Variants in CCDC85C observed in about 807,000 individuals in gnomAD.
CCDC85C encodes the protein coiled-coil domain-containing protein 85C.
CCDC85C carries 18 observed loss-of-function variants against 38.3 expected under a neutral mutation model. The ratio of observed to expected loss-of-function variants is 0.47; its 90% CI spans 0.33 to 0.70. The LOEUF (loss-of-function observed/expected upper bound fraction) is 0.70, where lower values mean the gene tolerates loss of function less well. Among genes scored for constraint, CCDC85C ranks in the 30% least tolerant of loss-of-function variants. The pLI is 0.03. For synonymous variants in CCDC85C, 264 were observed against 293.8 expected, an observed-to-expected ratio of 0.90 and a Z score of 1.04; for missense variants, 566 against 621.2, an observed-to-expected ratio of 0.91 and a Z score of 0.94.
intron 1 of CCDC85C, among the ~76,000 whole-genome samples, chr14:99,575,458 A>G (rs1898454452): frequency 6.6e-6 from 1 of 152,234 alleles, no homozygotes. Flanking sequence ...GTTGCCAGAA[A>G]GACCTGCTGA....
At chr14:99,580,092 C>T (rs1489818506) in intron 1 of CCDC85C, 1 of 455,780 alleles carries the variant, frequency 2.2e-6, no homozygotes, top group Admixed American at 2.4e-5. Flanking sequence ...TAGACACCTT[C>T]CAGGAATTCG....
At chr14:99,574,732 G>A (rs1436364994) in intron 1 of CCDC85C, among the ~76,000 whole-genome samples, 1 of 152,234 alleles carries the variant, frequency 6.6e-6, no homozygotes, top group Non-Finnish European at 1.5e-5. Flanking sequence ...TCCGCCCGAG[G>A]GGCACCAGCC....
chr14:99,564,752 C>T (rs1473383768), intron 1 of CCDC85C, among the ~76,000 whole-genome samples: 1 of 152,238 alleles, frequency 6.6e-6, no homozygotes, highest in East Asian at 1.9e-4. Context: ...GGAACAACAT[C>T]CAGCCTTTTA....
intron 2 of CCDC85C, among the ~76,000 whole-genome samples, chr14:99,526,539 C>T (rs1039457251): frequency 2.0e-5 from 3 of 152,198 alleles, no homozygotes; most frequent in Non-Finnish European, 4.4e-5. Context: ...ACCCAGGGAG[C>T]AAGGCCACGG....
rs188264130 is a variant in CCDC85C, at chr14:99,510,901, A to G, written c.*4345T>C. ...AATGCACGACAGTTGCAGTATGGGA[A>G]GAATGGACCGGGCCCCTGGGATAAA... On this transcript the variant is annotated 3_prime_UTR_variant, in exon 6 of 6. Coordinates refer to ENST00000380243, the MANE Select transcript of CCDC85C (RefSeq NM_001144995.2). The G allele has an allele frequency of 1.1e-4, 100 of 882,504 alleles. No homozygotes were observed. In the African/African-American group the frequency reaches 1.6e-3, roughly 14 times the overall value. 54.7% of individuals were successfully genotyped at this position (882,504 alleles called of 1,614,324 possible). A position where few individuals can be genotyped will look rare whatever the true frequency, so the allele number is the denominator to read the frequency against.
chr14:99,520,406 A>C lies in CCDC85C; in HGVS notation c.975+1727T>G, dbSNP rs1897285950. Among the ~76,000 whole-genome samples, 1 of 142,550 alleles carries C rather than the reference A, an allele frequency of 7.0e-6. No homozygotes were observed. Among genetic ancestry groups the C allele is most frequent in the South Asian group, 2.4e-4 (1 of 4,196 alleles). The allele number at this position is 142,550 out of a possible 152,430, so 93.5% of individuals were successfully genotyped here. On this transcript the variant is annotated intron_variant, in intron 3 of 5. Coordinates refer to ENST00000380243, the MANE Select transcript of CCDC85C (RefSeq NM_001144995.2). The surrounding 1 kb of genome is among the most constrained non-coding windows in gnomAD (Gnocchi z 4.1). The stretch of plus-strand genomic sequence containing the variant: ...GAGATACCTTGACCCCTCAACCCCC[A>C]CTCCTGGGGGCCTGCCCGCCGACCA...
Position 99,533,177 on chromosome 14 carries a change from G to C in CCDC85C, c.867+2838C>G, listed in dbSNP as rs1489479814. On this transcript the variant is annotated intron_variant, in intron 2 of 5. Transcript: ENST00000380243. This position sits in a 1 kb window ranked among gnomAD's most constrained non-coding sequence, Gnocchi z 4.2. ...GGTTCAGGGGCCTCCACTGCAGCATGGGGACAGGGCACCGGGGCCAAGGCC... is the reference window on the plus strand; with the variant it reads ...GGTTCAGGGGCCTCCACTGCAGCATCGGGACAGGGCACCGGGGCCAAGGCC... Among the ~76,000 whole-genome samples the C allele has an allele frequency of 1.3e-5, 2 of 152,200 alleles. No individual in the cohort carries two copies. Among genetic ancestry groups the C allele is most frequent in the African/African-American group, 4.8e-5 (2 of 41,456 alleles).
At chr14:99,591,048 G>T (rs765312162) in intron 1 of CCDC85C, among the ~76,000 whole-genome samples, 1 of 152,206 alleles carries the variant, frequency 6.6e-6, no homozygotes, top group Non-Finnish European at 1.5e-5. Flanking sequence ...GCAGCACAGA[G>T]GACAGGAGGG....
chr14:99,602,852 GGC>G (rs1350728511), intron 1 of CCDC85C, among the ~76,000 whole-genome samples: 1 of 152,232 alleles, frequency 6.6e-6, no homozygotes, highest in Non-Finnish European at 1.5e-5. Flanking sequence ...GCTGGGATGA[GGC>G]GCCCACCGCC....
At chr14:99,595,405 C>G (rs556922036) in intron 1 of CCDC85C, among the ~76,000 whole-genome samples, 2 of 152,278 alleles carry the variant, frequency 1.3e-5, no homozygotes, top group South Asian at 4.2e-4. Context: ...TGCCACCACA[C>G]CTGGTTAATT....
At chr14:99,540,133 C>T (rs1245213266) in intron 1 of CCDC85C, among the ~76,000 whole-genome samples, 2 of 146,882 alleles carry the variant, frequency 1.4e-5, no homozygotes, top group Admixed American at 6.9e-5. Flanking sequence ...GGCGACAGAG[C>T]GAGACTGTCT....
chr14:99,578,099 C>A (rs1898532446), intron 1 of CCDC85C, among the ~76,000 whole-genome samples: 2 of 141,294 alleles, frequency 1.4e-5, no homozygotes, highest in South Asian at 2.5e-4. Context: ...CGTCCTGTAT[C>A]CCCCATCAGT....
At chr14:99,530,587 T>A (rs1321012445) in intron 2 of CCDC85C, among the ~76,000 whole-genome samples, 1 of 152,194 alleles carries the variant, frequency 6.6e-6, no homozygotes, top group Non-Finnish European at 1.5e-5. Flanking sequence ...CCCCGCCCCT[T>A]GAAGGGCTCA....
chr14:99,572,966 G>C lies in CCDC85C; in HGVS notation c.793+30201C>G, dbSNP rs1310627956. On this transcript the variant is annotated intron_variant, in intron 1 of 5. Transcript: ENST00000380243. This position sits in a 1 kb window ranked among gnomAD's most constrained non-coding sequence, Gnocchi z 4.4. ...CCCTGCCTTCGCCTCCTACAAGATA[G>C]GATGGCAGCAGCCTCAGAGCAGAAG... The C allele has an allele frequency of 2.9e-5, 11 of 385,328 alleles. No individual in the cohort carries two copies. Among genetic ancestry groups the C allele is most frequent in the Non-Finnish European group, 5.7e-5 (11 of 193,356 alleles). 23.9% of individuals were successfully genotyped at this position (385,328 alleles called of 1,614,324 possible).
chr14:99,500,943 T>A lies in CCDC85C; in HGVS notation c.*14303A>T, dbSNP rs1896808423. On this transcript the variant is annotated 3_prime_UTR_variant, in exon 6 of 6. Coordinates refer to ENST00000380243, the MANE Select transcript of CCDC85C (RefSeq NM_001144995.2). ...CTTTATAATTTGATGACACTCAAAT[T>A]ACGCTTCTCAAAAGCGGAAAACAAA... 2.1e-6 allele frequency: 2 copies of A among 952,456 alleles called. No homozygotes were observed. Among genetic ancestry groups the A allele is most frequent in the Non-Finnish European group, 3.2e-6 (2 of 622,934 alleles). The allele number at this position is 952,456 out of a possible 1,614,324, so 59.0% of individuals were successfully genotyped here.
intron 1 of CCDC85C, among the ~76,000 whole-genome samples, chr14:99,589,305 C>G (rs2055060576): frequency 6.6e-6 from 1 of 152,150 alleles, no homozygotes; most frequent in Non-Finnish European, 1.5e-5. Flanking sequence ...GACGGCTGGG[C>G]GCCCAGGGTA....
intron 1 of CCDC85C, among the ~76,000 whole-genome samples, chr14:99,570,971 C>T (rs1427453692): frequency 6.6e-6 from 1 of 152,252 alleles, no homozygotes; most frequent in Non-Finnish European, 1.5e-5. Context: ...CGAGGGGCTT[C>T]TCCAACTCAC....
At position 99,503,030 on chromosome 14, in the gene CCDC85C, G is replaced by A; in HGVS notation, c.*12216C>T. On this transcript the variant is annotated 3_prime_UTR_variant, in exon 6 of 6. Transcript: ENST00000380243. ...CCTGGGTAGAGCAGGCTTTCCAGGT[G>A]GCGGCAACACCTGAGCACTGTTCCC... The A allele has an allele frequency of 6.2e-7, 1 of 1,601,124 alleles. No individual in the cohort carries two copies. The highest frequency in any genetic ancestry group is 8.6e-7 in the Non-Finnish European group (1 of 1,168,422).
In CCDC85C at chr14:99,544,919, C is replaced by T. The variant is rs559821861; in HGVS notation, c.794-8831G>A. ...CATGGGAACCTAAAGTCCCACCTCG[C>T]GGATGCATGCAAAAACGGAGCTGCC... On this transcript the variant is annotated intron_variant, in intron 1 of 5. Coordinates refer to ENST00000380243, the MANE Select transcript of CCDC85C (RefSeq NM_001144995.2). The surrounding 1 kb of genome is among the most constrained non-coding windows in gnomAD (Gnocchi z 5.3). Among the ~76,000 whole-genome samples, 9 of 152,280 alleles carry T rather than the reference C, an allele frequency of 5.9e-5. No individual in the cohort carries two copies. Among genetic ancestry groups the T allele is most frequent in the African/African-American group, 1.9e-4 (8 of 41,542 alleles).
Sources: gnomAD v4.1 joint callset for allele counts (sites outside exome capture counted in the v4.1 genomes callset) on GRCh38, gnomAD v4.1.1 for gene constraint, Gnocchi (gnomAD v3.1) non-coding constraint, MANE v1.5 for transcripts, NCBI Gene and HGNC (gene_info 2026-07-23, HGNC 2026-07-21) for gene names.